The following DNAH12 variants were observed in gnomAD, a reference collection of about 807,000 sequenced individuals.
DNAH12 encodes the protein axonemal beta dynein heavy chain 12.
In DNAH12, 285 loss-of-function variants were observed where a neutral mutation model predicts 371.5. That is an observed-to-expected ratio of 0.77 (90% confidence interval 0.70 to 0.85). The LOEUF is 0.85. Ranked by LOEUF, DNAH12 falls within the 40% of genes least tolerant of loss-of-function variation. The pLI, the probability that DNAH12 is intolerant of heterozygous loss-of-function variation, is 0.00. For synonymous variants in DNAH12, 1,200 were observed against 1,213.0 expected, an observed-to-expected ratio of 0.99 and a Z score of 0.22; for missense variants, 3,611 against 3,689.4, an observed-to-expected ratio of 0.98 and a Z score of 0.55.
At chr3:57,377,308 T>A (rs2153339819) in intron 52 of DNAH12, 86 bp from the exon 53 acceptor site, 1 of 152,258 alleles carries the variant, frequency 6.6e-6, no homozygotes, top group East Asian at 1.9e-4. Flanking sequence ...TATTATGGAT[T>A]AGAAATGCAT....
At chr3:57,369,363 T>C (rs1445603459) in intron 55 of DNAH12, among the ~76,000 whole-genome samples, 1 of 147,442 alleles carries the variant, frequency 6.8e-6, no homozygotes, top group Non-Finnish European at 1.5e-5. Flanking sequence ...AATAAATAAA[T>C]ATATATAAAT....
intron 34 of DNAH12, among the ~76,000 whole-genome samples, chr3:57,427,138 A>ATG (rs71088070): frequency 0.02 from 2,799 of 138,838 alleles, 51 homozygotes; most frequent in East Asian, 0.089. Flanking sequence ...TAAGAAGCGA[A>ATG]TGTGTGTGTG....
intron 62 of DNAH12, among the ~76,000 whole-genome samples, chr3:57,332,385 G>A (rs1255331728): frequency 6.6e-6 from 1 of 152,150 alleles, no homozygotes; most frequent in East Asian, 1.9e-4. Flanking sequence ...TATAGGGATT[G>A]GATTTACCCT....
At chr3:57,326,005 G>C (rs1165114543) in intron 62 of DNAH12, among the ~76,000 whole-genome samples, 7 of 152,072 alleles carry the variant, frequency 4.6e-5, no homozygotes, top group Admixed American at 6.6e-5. Flanking sequence ...GGGAAGTTTA[G>C]AGAAAAAAGA....
rs576879463 is a variant in DNAH12, at chr3:57,420,040, CATT to C, written c.5563-525_5563-523del. On this transcript the variant is annotated intron_variant, in intron 36 of 73. Coordinates refer to ENST00000495027, the MANE Select transcript of DNAH12 (RefSeq NM_001366028.2). ...AAAACCACTATATTTGTTTCTCTAACATTATTCTCTTTGGCATTTTGATCCAGG... is the reference window on the plus strand; with the variant it reads ...AAAACCACTATATTTGTTTCTCTAACATTCTCTTTGGCATTTTGATCCAGG... Among the ~76,000 whole-genome samples the C allele has an allele frequency of 1.3e-3, 199 of 152,230 alleles. 1 individual carries two copies. The Middle Eastern group carries it at 0.014, about 10-fold the overall frequency.
chr3:57,410,895 C>T (rs2064180658), intron 39 of DNAH12, among the ~76,000 whole-genome samples: 1 of 151,268 alleles, frequency 6.6e-6, no homozygotes, highest in Non-Finnish European at 1.5e-5. Context: ...GGAATATCTA[C>T]AAAAACCCTA....
the DNAH12 span, among the ~76,000 whole-genome samples, chr3:57,555,720 C>T: frequency 6.6e-6 from 1 of 152,246 alleles, no homozygotes; most frequent in Non-Finnish European, 1.5e-5. Context: ...GCGTTTCTCG[C>T]ATAGTCTGCG....
intron 12 of DNAH12, among the ~76,000 whole-genome samples, chr3:57,488,235 C>T (rs566285114): frequency 2.6e-5 from 4 of 152,184 alleles, no homozygotes; most frequent in South Asian, 2.1e-4. Context: ...CACTGTAGCC[C>T]GGGCTGGAGT....
Position 57,502,600 on chromosome 3 carries a change from A to G in DNAH12, c.1087-121T>C, listed in dbSNP as rs2067593035. The stretch of plus-strand genomic sequence containing the variant: ...AGTCTTGCTCTATCACCCAGGTTGG[A>G]GCGCATTGGTGCGATCTCGGCTCAC... On this transcript the variant is annotated intron_variant, in intron 9 of 73. Coordinates refer to ENST00000495027, the MANE Select transcript of DNAH12 (RefSeq NM_001366028.2). The G allele has an allele frequency of 3.7e-6, 4 of 1,074,106 alleles. No homozygotes were observed. The African/African-American group carries it at 6.4e-5, about 17-fold the overall frequency. 66.5% of individuals were successfully genotyped at this position (1,074,106 alleles called of 1,614,324 possible).
chr3:57,510,745 G>T, intron 5 of DNAH12, 45 bp downstream of exon 5: 2 of 1,576,110 alleles, frequency 1.3e-6, no homozygotes, highest in South Asian at 1.1e-5. Flanking sequence ...GGGACGGGGG[G>T]AGGCCAAGGT....
intron 72 of DNAH12, 131 bp downstream of exon 72, chr3:57,296,213 T>A: frequency 1.8e-6 from 1 of 553,754 alleles, no homozygotes. Context: ...GCTTGACTAA[T>A]AATTTATGTG....
chr3:57,462,775 G>C lies in DNAH12; in HGVS notation c.2450C>G (p.Ser817Cys), dbSNP rs2066093499. 2 of 1,551,546 alleles carry C rather than the reference G, an allele frequency of 1.3e-6. No individual in the cohort carries two copies. The highest frequency in any genetic ancestry group is 1.7e-6 in the Non-Finnish European group (2 of 1,146,944). ...TAAAACTTTTCTCAGTGTAGTTCCA[G>C]AGTCTGGAGTCAAGTCATAGCCTAC... ...EIVGYDLTPD[S>C]GTTLRKVLKL... The change falls in exon 18 of 74, where the codon TCT becomes TGT. Residue 817 changes from serine to cysteine, a missense_variant. Ser to Cys is a moderately radical substitution (Grantham distance 112, BLOSUM62 -1). Around this residue, in one of 3 missense-constraint regions of DNAH12, gnomAD observed 1,314 missense variants for 1,398.7 expected, o/e 0.94. Transcript: ENST00000495027.
At position 57,446,142 on chromosome 3, in the gene DNAH12, C is replaced by A; in HGVS notation, c.4068G>T (p.Leu1356Phe). Residue 1356 changes from leucine to phenylalanine, a missense_variant, in exon 27 of 74, where the codon TTG becomes TTT. Leu to Phe is a conservative substitution (Grantham distance 22). This residue lies in a region of DNAH12 where 2,266 missense variants were observed against 2,236.9 expected (regional missense o/e 1.01). Coordinates refer to ENST00000495027, the MANE Select transcript of DNAH12 (RefSeq NM_001366028.2). Reference sequence around the variant, plus strand: ...CTGTCCCTTCAAAAACAAACACAACCAACTTCTGTTGAATAGCTCTCTGAA... The same window carrying A: ...CTGTCCCTTCAAAAACAAACACAACAAACTTCTGTTGAATAGCTCTCTGAA... ...LCIQRAIQQK[L>F]VVFVFEGTEL... is the part of the protein sequence containing the mutation. The A allele has an allele frequency of 6.4e-7, 1 of 1,551,644 alleles. No homozygotes were observed. The highest frequency in any genetic ancestry group is 8.7e-7 in the Non-Finnish European group (1 of 1,146,998).
intron 29 of DNAH12, among the ~76,000 whole-genome samples, chr3:57,440,185 CA>C (rs1268132254): frequency 6.6e-6 from 1 of 152,080 alleles, no homozygotes; most frequent in Non-Finnish European, 1.5e-5. Flanking sequence ...GGTATATATC[CA>C]AAAGAAAATA....
chr3:57,370,857 A>T (rs1459849079), intron 55 of DNAH12, among the ~76,000 whole-genome samples: 1 of 152,144 alleles, frequency 6.6e-6, no homozygotes, highest in South Asian at 2.1e-4. Context: ...CACTAGGTCC[A>T]TATGTTGGGG....
intron 64 of DNAH12, among the ~76,000 whole-genome samples, 186 bp downstream of exon 64, chr3:57,322,821 T>G (rs1006260841): frequency 6.6e-6 from 1 of 152,164 alleles, no homozygotes; most frequent in Non-Finnish European, 1.5e-5. Flanking sequence ...TCCCAGCTAC[T>G]GGGGAGGCTG....
At chr3:57,380,995 A>G (rs2063378276) in intron 50 of DNAH12, among the ~76,000 whole-genome samples, 1 of 152,188 alleles carries the variant, frequency 6.6e-6, no homozygotes, top group Non-Finnish European at 1.5e-5. Context: ...TATTACTTCT[A>G]AATTTATTTT....
intron 69 of DNAH12, among the ~76,000 whole-genome samples, chr3:57,308,178 G>A (rs1168886797): frequency 6.6e-6 from 1 of 152,140 alleles, no homozygotes; most frequent in African/African-American, 2.4e-5. Context: ...TGGATAGGTA[G>A]AGGCCTTTCC....
intron 69 of DNAH12, among the ~76,000 whole-genome samples, chr3:57,305,655 C>T (rs1305622316): frequency 6.6e-6 from 1 of 152,166 alleles, no homozygotes; most frequent in African/African-American, 2.4e-5. Context: ...CCCTGAGACG[C>T]TTTACAGCCC....
Sources: allele counts gnomAD v4.1 joint callset (sites outside exome capture counted in the v4.1 genomes callset), GRCh38; gene constraint gnomAD v4.1.1; regional missense constraint gnomAD v4.1.1; transcripts MANE v1.5; gene names NCBI Gene and HGNC (gene_info 2026-07-23, HGNC 2026-07-21).